Variants in GAPVD1 observed in about 807,000 individuals in gnomAD.
The protein encoded by GAPVD1 is GTPase activating protein and VPS9 domains 1, also known as GTPase-activating protein and VPS9 domain-containing protein 1.
GAPVD1 carries 35 observed loss-of-function variants against 155.5 expected under a neutral mutation model. The ratio of observed to expected loss-of-function variants is 0.23; its 90% CI spans 0.17 to 0.30. GAPVD1 has a LOEUF of 0.30. Among genes scored for constraint, GAPVD1 ranks in the 10% least tolerant of loss-of-function variants. The pLI, the probability that GAPVD1 is intolerant of heterozygous loss-of-function variation, is 1.00. For missense variants in GAPVD1, 1,429 were observed against 1,775.7 expected, an observed-to-expected ratio of 0.80 and a Z score of 3.51; for synonymous variants, 636 against 619.7, an observed-to-expected ratio of 1.03 and a Z score of -0.39.
At chr9:125,272,856 C>G (rs1835141076) in intron 2 of GAPVD1, among the ~76,000 whole-genome samples, 1 of 152,118 alleles carries the variant, frequency 6.6e-6, no homozygotes, top group African/African-American at 2.4e-5. Context: ...AGGGTGGACT[C>G]TTGGATCTTG....
intron 8 of GAPVD1, among the ~76,000 whole-genome samples, chr9:125,311,863 G>C (rs1226360500): frequency 7.9e-5 from 12 of 151,942 alleles, no homozygotes; most frequent in Admixed American, 3.9e-4. Context: ...GGGATTACAG[G>C]TGCATGTCAC....
intron 17 of GAPVD1, among the ~76,000 whole-genome samples, chr9:125,340,060 G>T (rs1165070045): frequency 6.6e-6 from 1 of 152,074 alleles, no homozygotes; most frequent in Admixed American, 6.5e-5. Context: ...TCACTCTGTC[G>T]CCCAGGCTGG....
chr9:125,264,920 G>A (rs1013330218), intron 1 of GAPVD1, among the ~76,000 whole-genome samples: 4 of 152,080 alleles, frequency 2.6e-5, no homozygotes, highest in Non-Finnish European at 5.9e-5. Context: ...GTTTCACCAT[G>A]TTGGTCAGGC....
At chr9:125,340,059 C>T (rs1031272210) in intron 17 of GAPVD1, among the ~76,000 whole-genome samples, 26 of 152,284 alleles carry the variant, frequency 1.7e-4, no homozygotes, top group Admixed American at 1.1e-3. Flanking sequence ...CTCACTCTGT[C>T]GCCCAGGCTG....
At chr9:125,284,171 C>T (rs1489232612) in intron 2 of GAPVD1, among the ~76,000 whole-genome samples, 1 of 145,014 alleles carries the variant, frequency 6.9e-6, no homozygotes, top group African/African-American at 2.6e-5. Flanking sequence ...TCACTGAGCC[C>T]CGCCAGAACT....
chr9:125,350,575 T>G (rs902299305), intron 22 of GAPVD1, 138 bp from the exon 23 acceptor site: 3 of 681,670 alleles, frequency 4.4e-6, no homozygotes, highest in Admixed American at 5.6e-5. Flanking sequence ...ATTAAAGTAT[T>G]TTCTAATTGG....
At chr9:125,291,505 A>G (rs989095566) in intron 2 of GAPVD1, among the ~76,000 whole-genome samples, 1 of 152,182 alleles carries the variant, frequency 6.6e-6, no homozygotes, top group Non-Finnish European at 1.5e-5. Flanking sequence ...GGTGAAGGTT[A>G]GTTAAAAAGG....
intron 20 of GAPVD1, chr9:125,347,144 A>G: frequency 1.6e-6 from 1 of 612,106 alleles, no homozygotes; most frequent in Admixed American, 2.9e-5. Context: ...GAATGTTCAA[A>G]TGCCTTAGAG....
At chr9:125,288,564 C>T (rs527541161) in intron 2 of GAPVD1, among the ~76,000 whole-genome samples, 1 of 151,936 alleles carries the variant, frequency 6.6e-6, no homozygotes, top group South Asian at 2.1e-4. Context: ...TTTTAAGAGA[C>T]AGAGGTCTCA....
chr9:125,291,851 A>G (rs1022562397), intron 2 of GAPVD1, among the ~76,000 whole-genome samples: 1 of 152,170 alleles, frequency 6.6e-6, no homozygotes, highest in Admixed American at 6.6e-5. Flanking sequence ...CAAGTTACAG[A>G]TTTTCTGATA....
intron 17 of GAPVD1, among the ~76,000 whole-genome samples, 165 bp from the exon 18 acceptor site, chr9:125,341,012 G>A (rs1056311195): frequency 3.3e-5 from 5 of 152,214 alleles, no homozygotes; most frequent in Non-Finnish European, 1.5e-5. Flanking sequence ...TTGAGCCAGG[G>A]AAGTCGAGGC....
intron 23 of GAPVD1, among the ~76,000 whole-genome samples, chr9:125,352,762 C>A (rs565705630): frequency 6.6e-6 from 1 of 152,178 alleles, no homozygotes; most frequent in South Asian, 2.1e-4. Context: ...TGTTTTCTAT[C>A]GCATTGTCAG....
chr9:125,274,158 CA>C (rs1347927393), intron 2 of GAPVD1, among the ~76,000 whole-genome samples: 1 of 151,490 alleles, frequency 6.6e-6, no homozygotes, highest in African/African-American at 2.4e-5. Flanking sequence ...GCTGTGATTA[CA>C]GGCTAACGCC....
Position 125,364,742 on chromosome 9 carries a change from C to T in GAPVD1, c.*1996C>T, listed in dbSNP as rs1326619640. ...GAGTCGTGCACTTCATTGGCTGTAA[C>T]TGTCAAACTTGCCTTGTATTAGAAG... is the stretch of plus-strand genomic sequence containing the variant. On this transcript the variant is annotated 3_prime_UTR_variant, in exon 28 of 28. Transcript: ENST00000297933. 6.6e-6 allele frequency: 1 copy of T among 152,610 alleles called. No individual in the cohort carries two copies. 9.5% of individuals were successfully genotyped at this position (152,610 alleles called of 1,614,324 possible).
chr9:125,262,304 A>G (rs1833057967), intron 1 of GAPVD1, among the ~76,000 whole-genome samples: 1 of 152,194 alleles, frequency 6.6e-6, no homozygotes, highest in African/African-American at 2.4e-5. Flanking sequence ...AACTGAGTAT[A>G]GGAGGCGAGA....
chr9:125,347,690 C>A (rs1056935079), intron 20 of GAPVD1, among the ~76,000 whole-genome samples: 1 of 150,046 alleles, frequency 6.7e-6, no homozygotes, highest in East Asian at 2.0e-4. Flanking sequence ...TACTGCACTC[C>A]AGTCTGGGCA....
chr9:125,355,035 G>A (rs1029118639), intron 24 of GAPVD1, among the ~76,000 whole-genome samples, 194 bp downstream of exon 24: 3 of 152,154 alleles, frequency 2.0e-5, no homozygotes, highest in African/African-American at 7.2e-5. Flanking sequence ...TTGAATATCT[G>A]TAGCTTACTT....
intron 2 of GAPVD1, among the ~76,000 whole-genome samples, chr9:125,280,059 G>C (rs985020026): frequency 1.3e-5 from 2 of 151,154 alleles, no homozygotes; most frequent in African/African-American, 4.9e-5. Context: ...CGCTGCGCTG[G>C]CCAAAACATA....
chr9:125,268,002 A>G (rs943071027), intron 1 of GAPVD1, among the ~76,000 whole-genome samples: 1 of 152,014 alleles, frequency 6.6e-6, no homozygotes, highest in Admixed American at 6.6e-5. Context: ...ATCTCTACTA[A>G]AAATACAAAA....
Sources: allele counts gnomAD v4.1 joint callset (sites outside exome capture counted in the v4.1 genomes callset), GRCh38; gene constraint gnomAD v4.1.1; transcripts MANE v1.5; gene names NCBI Gene and HGNC (gene_info 2026-07-23, HGNC 2026-07-21).